GLB1: variants seen among roughly 807,000 people sequenced by gnomAD.
The protein encoded by GLB1 is beta-galactosidase.
Under a neutral mutation model 74.0 loss-of-function variants are expected in GLB1, and 56 were observed. The ratio of observed to expected loss-of-function variants is 0.76; its 90% CI spans 0.61 to 0.94. The LOEUF is 0.94. Among genes scored for constraint, GLB1 ranks in the 40% least tolerant of loss-of-function variants. The pLI is 0.00. For missense variants in GLB1, 787 were observed against 845.5 expected (o/e 0.93, Z 0.86); for synonymous variants, 323 against 323.6 (o/e 1.00, Z 0.02).
the GLB1 span, among the ~76,000 whole-genome samples, chr3:32,965,257 G>T: frequency 1.3e-5 from 2 of 152,184 alleles, no homozygotes; most frequent in South Asian, 4.1e-4. Context: ...GAAGATGTGG[G>T]AAAGTTTGGA....
chr3:33,079,953 T>C (rs1267834193), intron 1 of GLB1, among the ~76,000 whole-genome samples: 1 of 152,136 alleles, frequency 6.6e-6, no homozygotes, highest in East Asian at 1.9e-4. Context: ...GTTAATAATT[T>C]TCAAATTTTC....
the GLB1 span, among the ~76,000 whole-genome samples, chr3:32,978,218 C>A: frequency 1.3e-5 from 2 of 152,122 alleles, no homozygotes; most frequent in Admixed American, 6.5e-5. Context: ...GGGTGAAAAA[C>A]AACAGGCTCC....
intron 10 of GLB1, chr3:33,024,565 TCAAAA>T (rs995534022): frequency 6.2e-6 from 3 of 486,964 alleles, no homozygotes; most frequent in African/African-American, 3.9e-5. Context: ...CCGAAAGACC[TCAAAA>T]CAAAAGAGCA....
intron 1 of GLB1, chr3:33,077,257 T>C (rs1221750460): frequency 4.5e-6 from 7 of 1,568,492 alleles, no homozygotes; most frequent in Non-Finnish European, 1.7e-6. Flanking sequence ...AAGATCATAT[T>C]AATTTGAAGG....
intron 13 of GLB1, among the ~76,000 whole-genome samples, chr3:33,017,318 C>T (rs79719790): frequency 0.085 from 12,939 of 152,202 alleles, 797 homozygotes; most frequent in East Asian, 0.32. Flanking sequence ...CCACGAAAAT[C>T]ATACAACAGA....
intron 9 of GLB1, among the ~76,000 whole-genome samples, chr3:33,048,694 G>C (rs2125517466): frequency 6.6e-6 from 1 of 152,310 alleles, no homozygotes; most frequent in Non-Finnish European, 1.5e-5. Context: ...AGCAGCTTCA[G>C]GGAGGCTTGG....
At chr3:33,037,274 GA>G (rs988978692) in intron 10 of GLB1, among the ~76,000 whole-genome samples, 2 of 152,002 alleles carry the variant, frequency 1.3e-5, no homozygotes, top group Non-Finnish European at 2.9e-5. Context: ...TCGAACTCCT[GA>G]CCTTAGGTGA....
chr3:33,031,667 AT>A (rs1575429245), intron 10 of GLB1, among the ~76,000 whole-genome samples: 1 of 130,992 alleles, frequency 7.6e-6, no homozygotes, highest in Non-Finnish European at 1.6e-5. Context: ...ATATATATAT[AT>A]ATATATAATC....
chr3:33,074,357 G>GAAAGAAAAAGAAAGA, intron 1 of GLB1, among the ~76,000 whole-genome samples: 1 of 35,766 alleles, frequency 2.8e-5, no homozygotes, highest in Non-Finnish European at 5.0e-5. Flanking sequence ...AGGAAGGAAG[G>GAAAGAAAAAGAAAGA]AAGGAAGGAA....
intron 15 of GLB1, among the ~76,000 whole-genome samples, chr3:33,007,506 T>C (rs1183338438): frequency 6.6e-6 from 1 of 152,240 alleles, no homozygotes; most frequent in Non-Finnish European, 1.5e-5. Context: ...AGCCTAATGT[T>C]TTCAAAATTC....
chr3:32,998,342 T>C (rs1429730209), intron 15 of GLB1, among the ~76,000 whole-genome samples: 1 of 152,078 alleles, frequency 6.6e-6, no homozygotes, highest in Non-Finnish European at 1.5e-5. Flanking sequence ...ACCCCGTCTC[T>C]ACTAAAAATA....
chr3:33,069,925 C>T (rs144936108), intron 2 of GLB1, among the ~76,000 whole-genome samples: 7 of 152,132 alleles, frequency 4.6e-5, no homozygotes, highest in Non-Finnish European at 7.4e-5. Flanking sequence ...AGATAATCTG[C>T]CTAGTACACG....
At chr3:33,004,697 T>C (rs1696714981) in intron 15 of GLB1, among the ~76,000 whole-genome samples, 1 of 152,188 alleles carries the variant, frequency 6.6e-6, no homozygotes, top group African/African-American at 2.4e-5. Context: ...TGGCTGGTAC[T>C]ATTACTATTT....
chr3:33,077,172 G>T, intron 1 of GLB1: 1 of 1,462,542 alleles, frequency 6.8e-7, no homozygotes. Context: ...TACCTCTTTT[G>T]TGAAGCGGCA....
chr3:33,051,712 A>G, intron 9 of GLB1, 46 bp downstream of exon 9: 1 of 1,614,028 alleles, frequency 6.2e-7, no homozygotes, highest in South Asian at 1.1e-5. Flanking sequence ...ATTAATCAAC[A>G]GAAACATTCT....
intron 15 of GLB1, among the ~76,000 whole-genome samples, chr3:33,004,938 G>A (rs1216826401): frequency 6.6e-6 from 1 of 152,196 alleles, no homozygotes; most frequent in Admixed American, 6.5e-5. Flanking sequence ...ACATCTGTGA[G>A]GACAATCCCC....
chr3:32,997,678 T>C (rs753727536), intron 15 of GLB1, among the ~76,000 whole-genome samples: 14 of 152,194 alleles, frequency 9.2e-5, no homozygotes, highest in Non-Finnish European at 1.5e-5. Context: ...AGTGTGGAAA[T>C]TTCTGAATTT....
At chr3:33,036,277 G>A (rs1698272826) in intron 10 of GLB1, among the ~76,000 whole-genome samples, 1 of 152,144 alleles carries the variant, frequency 6.6e-6, no homozygotes. Flanking sequence ...AGCAAGGGAA[G>A]GTCAAGAAAA....
chr3:33,077,383 C>G, intron 1 of GLB1: 4 of 1,243,112 alleles, frequency 3.2e-6, no homozygotes, highest in Non-Finnish European at 4.6e-6. Context: ...AGATCAGATT[C>G]CAATTTGACA....
Sources: gnomAD v4.1 joint callset for allele counts (sites outside exome capture counted in the v4.1 genomes callset) on GRCh38, gnomAD v4.1.1 for gene constraint, MANE v1.5 for transcripts, NCBI Gene and HGNC (gene_info 2026-07-23, HGNC 2026-07-21) for gene names.